The following SLC44A1 variants were observed in gnomAD, a reference collection of about 807,000 sequenced individuals.
SLC44A1 encodes solute carrier family 44 member 1, also known as choline transporter-like protein 1.
A neutral mutation model predicts 79.3 loss-of-function variants in SLC44A1; 26 were observed. The observed-to-expected ratio is 0.33, with a 90% CI of 0.24 to 0.46. SLC44A1 has a LOEUF of 0.46. Among genes scored for constraint, SLC44A1 ranks in the 20% least tolerant of loss-of-function variants. The pLI is 1.00. For synonymous variants in SLC44A1, 263 were observed against 286.2 expected (o/e 0.92, Z 0.82); for missense variants, 688 against 798.1 (o/e 0.86, Z 1.66).
chr9:105,436,147 G>A (rs770551541), intron 15 of SLC44A1, among the ~76,000 whole-genome samples: 2 of 152,232 alleles, frequency 1.3e-5, no homozygotes, highest in African/African-American at 2.4e-5. Context: ...GCAGTGAGCT[G>A]AGATTGTGCC....
chr9:105,428,372 C>T (rs66497257), intron 15 of SLC44A1, among the ~76,000 whole-genome samples: 24,267 of 152,050 alleles, frequency 0.16, 4,381 homozygotes, highest in African/African-American at 0.45. Context: ...ATTTGTTATG[C>T]AATTTATTCC....
intron 3 of SLC44A1, among the ~76,000 whole-genome samples, chr9:105,325,522 A>C (rs1294861151): frequency 2.0e-5 from 3 of 152,216 alleles, no homozygotes; most frequent in African/African-American, 7.2e-5. Context: ...CTCTGTGCAG[A>C]GTCCTGAGAT....
chr9:105,324,198 C>T (rs370542186), intron 3 of SLC44A1, among the ~76,000 whole-genome samples: 60 of 151,156 alleles, frequency 4.0e-4, no homozygotes, highest in African/African-American at 1.4e-3. Context: ...AGGATGGTCT[C>T]GATCTCCTGA....
In SLC44A1 at chr9:105,394,253, C is replaced by T; in HGVS notation, c.*5197C>T. ...CACTAGAGATACTTTTGAGATGATG[C>T]TTACCACCTTCTGACCTGGAATCAT... On this transcript the variant is annotated 3_prime_UTR_variant, in exon 16 of 16. Transcript: ENST00000374720. 1.0e-6 allele frequency: 1 copy of T among 985,376 alleles called. No homozygotes were observed. Among genetic ancestry groups the T allele is most frequent in the Non-Finnish European group, 1.2e-6 (1 of 829,902 alleles). The allele number at this position is 985,376 out of a possible 1,614,324, so 61.0% of individuals were successfully genotyped here.
At chr9:105,412,779 T>C (rs1358677444) in intron 15 of SLC44A1, among the ~76,000 whole-genome samples, 2 of 151,994 alleles carry the variant, frequency 1.3e-5, no homozygotes, top group Non-Finnish European at 2.9e-5. Context: ...TTTTTTTGTA[T>C]TTTTAGTAGA....
intron 15 of SLC44A1, among the ~76,000 whole-genome samples, chr9:105,388,626 C>T (rs913260874): frequency 2.6e-5 from 4 of 152,130 alleles, no homozygotes; most frequent in East Asian, 1.9e-4. Flanking sequence ...GAGAGAGGCT[C>T]GCTAGTTAAG....
chr9:105,268,169 A>G (rs1422070657), intron 1 of SLC44A1, among the ~76,000 whole-genome samples: 1 of 152,180 alleles, frequency 6.6e-6, no homozygotes, highest in Non-Finnish European at 1.5e-5. Context: ...GAATGCTCTC[A>G]TGCAACCCAA....
chr9:105,421,448 A>T (rs554711980), intron 15 of SLC44A1, among the ~76,000 whole-genome samples: 76 of 152,324 alleles, frequency 5.0e-4, no homozygotes, highest in Admixed American at 2.2e-3. Flanking sequence ...CAAGTTATTC[A>T]ACTAAGCATT....
At chr9:105,437,947 T>C (rs978742220) in intron 15 of SLC44A1, among the ~76,000 whole-genome samples, 1 of 152,254 alleles carries the variant, frequency 6.6e-6, no homozygotes, top group African/African-American at 2.4e-5. Context: ...CCTTGATATG[T>C]GTCAGACAGT....
chr9:105,344,170 A>G (rs1320503763), intron 4 of SLC44A1, among the ~76,000 whole-genome samples: 1 of 152,204 alleles, frequency 6.6e-6, no homozygotes, highest in East Asian at 1.9e-4. Context: ...TTTAAATCAT[A>G]TTTTAAGGAA....
chr9:105,277,765 G>A (rs1305015999), intron 1 of SLC44A1, among the ~76,000 whole-genome samples: 2 of 152,280 alleles, frequency 1.3e-5, no homozygotes, highest in East Asian at 3.9e-4. Flanking sequence ...ACCAAGTAGT[G>A]CATGGGAAGT....
At chr9:105,317,787 T>C (rs1264932927) in intron 3 of SLC44A1, among the ~76,000 whole-genome samples, 1 of 152,198 alleles carries the variant, frequency 6.6e-6, no homozygotes, top group African/African-American at 2.4e-5. Flanking sequence ...AAGAGAGGTA[T>C]ACATTTGTCC....
intron 1 of SLC44A1, among the ~76,000 whole-genome samples, chr9:105,270,907 C>T (rs551730729): frequency 6.6e-6 from 1 of 152,316 alleles, no homozygotes; most frequent in South Asian, 2.1e-4. Context: ...GTTCAGAGCC[C>T]TTTGGATGAG....
chr9:105,414,394 G>A (rs7028216), intron 15 of SLC44A1, among the ~76,000 whole-genome samples: 15 of 152,078 alleles, frequency 9.9e-5, no homozygotes, highest in Non-Finnish European at 1.6e-4. Context: ...CATTTGGATC[G>A]ATGATTTTCA....
Position 105,348,450 on chromosome 9 carries a change from A to C in SLC44A1, c.499A>C (p.Ser167Arg), listed in dbSNP as rs1827306445. The part of the protein sequence containing the change: ...VLCPKLPVPA[S>R]APIPFFHRCA... ...CTGCCCCAAACTACCAGTTCCAGCG[A>C]GGTAAATTTTATTGCAAAGTTGTTA... The change falls in exon 5 of 16, where the codon AGT (serine) becomes CGT (arginine). Residue 167 changes from serine (S) to arginine (R), a missense_variant and splice_region_variant. Transcript: ENST00000374720. 2 of 1,587,234 alleles carry C rather than the reference A, an allele frequency of 1.3e-6. No individual in the cohort carries two copies. The highest frequency in any genetic ancestry group is 1.7e-6 in the Non-Finnish European group (2 of 1,156,114).
At chr9:105,367,778 TGCTGAGCTTCTAACTCAGCAGAGTTAGAA>T (rs1385555699) in intron 12 of SLC44A1, among the ~76,000 whole-genome samples, 4 of 152,118 alleles carry the variant, frequency 2.6e-5, no homozygotes, top group Non-Finnish European at 2.9e-5. Flanking sequence ...CCAGCCCCTC[TGCTGAGCTTCTAACTCAGCAGAGTTAGAA>T]GCTGAGGTCA....
chr9:105,432,438 C>T lies in SLC44A1; in HGVS notation c.1951-5843C>T, dbSNP rs146213329. 5.3e-4 allele frequency among the ~76,000 whole-genome samples: 80 copies of T among 152,286 alleles called. No individual in the cohort carries two copies. In the Middle Eastern group the frequency reaches 0.014, roughly 26 times the overall value. ...GTTGAAGGTAGGAGTGGCAAGATAT[C>T]TGCAGGATTGCATTAAATTTATCCA... On this transcript the variant is annotated intron_variant, in intron 15 of 15. Transcript: ENST00000374724.
chr9:105,309,429 G>A (rs958205947), intron 2 of SLC44A1, among the ~76,000 whole-genome samples: 3 of 152,172 alleles, frequency 2.0e-5, no homozygotes, highest in Admixed American at 2.0e-4. Flanking sequence ...CAGAGCAGAT[G>A]TTCTGTAAAG....
chr9:105,286,243 A>G (rs957369285), intron 1 of SLC44A1, among the ~76,000 whole-genome samples: 3 of 152,198 alleles, frequency 2.0e-5, no homozygotes, highest in African/African-American at 7.2e-5. Context: ...GGATATGCTA[A>G]CCACAGTAAA....
Sources: allele counts gnomAD v4.1 joint callset (sites outside exome capture counted in the v4.1 genomes callset), GRCh38; gene constraint gnomAD v4.1.1; transcripts MANE v1.5; gene names NCBI Gene and HGNC (gene_info 2026-07-23, HGNC 2026-07-21).